COL25A1: variants seen among roughly 807,000 people sequenced by gnomAD.
COL25A1 encodes collagen alpha-1(XXV) chain.
In COL25A1, 103 loss-of-function variants were observed where a neutral mutation model predicts 128.4. That is an observed-to-expected ratio of 0.80 (90% CI 0.68 to 0.94). The LOEUF is 0.94. Among genes scored for constraint, COL25A1 ranks in the 40% least tolerant of loss-of-function variants. The probability of loss-of-function intolerance (pLI) is 0.00; values close to 1 mark genes in which losing one functional copy is unlikely to be tolerated. For missense variants in COL25A1, 745 were observed against 840.0 expected, an observed-to-expected ratio of 0.89 and a Z score of 1.40; for synonymous variants, 279 against 277.2, an observed-to-expected ratio of 1.01 and a Z score of -0.06.
At chr4:109,130,504 T>C (rs1363488772) in intron 3 of COL25A1, among the ~76,000 whole-genome samples, 3 of 152,166 alleles carry the variant, frequency 2.0e-5, no homozygotes, top group Non-Finnish European at 4.4e-5. Context: ...TTCCAGGAGA[T>C]AGAAATCGTT....
chr4:109,281,999 T>C (rs757573960), intron 3 of COL25A1, among the ~76,000 whole-genome samples: 5 of 152,196 alleles, frequency 3.3e-5, no homozygotes, highest in Non-Finnish European at 7.4e-5. Flanking sequence ...GTTAATATAA[T>C]CATAAATTCT....
chr4:108,938,345 A>G (rs1235609716), intron 10 of COL25A1, among the ~76,000 whole-genome samples: 1 of 152,186 alleles, frequency 6.6e-6, no homozygotes, highest in Non-Finnish European at 1.5e-5. Flanking sequence ...GGCTAAAAAT[A>G]TTTTTGTCTT....
intron 6 of COL25A1, among the ~76,000 whole-genome samples, chr4:108,995,239 G>A (rs1284372890): frequency 1.3e-5 from 2 of 152,182 alleles, no homozygotes; most frequent in African/African-American, 4.8e-5. Flanking sequence ...TAGATGAATG[G>A]CTAACTAGAA....
At position 109,047,732 on chromosome 4, in the gene COL25A1, T is replaced by C. The variant is rs952169543; in HGVS notation, c.420+436A>G. On this transcript the variant is annotated intron_variant, in intron 5 of 37. Coordinates refer to ENST00000399132, the MANE Select transcript of COL25A1 (RefSeq NM_198721.4). ...TTTCCAAACTTTAAGTATACTCTTT[T>C]TTTTTTTTTTTTTTTTTTTAGACAG... Among the ~76,000 whole-genome samples, 341 of 40,808 alleles carry C rather than the reference T, an allele frequency of 8.4e-3. 7 individuals carry two copies. The East Asian group carries it at 0.12, about 14-fold the overall frequency. The allele number at this position is 40,808 out of a possible 152,430, so 26.8% of individuals were successfully genotyped here. A position where few individuals can be genotyped will look rare whatever the true frequency, so the allele number is the denominator to read the frequency against.
At chr4:109,282,316 AC>A (rs1723452633) in intron 3 of COL25A1, among the ~76,000 whole-genome samples, 1 of 152,196 alleles carries the variant, frequency 6.6e-6, no homozygotes, top group South Asian at 2.1e-4. Context: ...TCAGGACAAA[AC>A]ATCAAGAGTG....
At chr4:108,837,988 T>C in intron 31 of COL25A1, 1 of 788,212 alleles carries the variant, frequency 1.3e-6, no homozygotes, top group South Asian at 1.5e-5. Flanking sequence ...ATATGTTTTC[T>C]AATTACAGAA....
At chr4:108,982,668 C>T (rs544664115) in intron 6 of COL25A1, among the ~76,000 whole-genome samples, 66 of 152,260 alleles carry the variant, frequency 4.3e-4, no homozygotes, top group African/African-American at 1.5e-3. Context: ...GACTTTACAC[C>T]TTTCAGTGTG....
chr4:108,836,865 G>T (rs1578495055), intron 31 of COL25A1, among the ~76,000 whole-genome samples: 1 of 152,120 alleles, frequency 6.6e-6, no homozygotes, highest in Non-Finnish European at 1.5e-5. Flanking sequence ...GATCACCTGA[G>T]GTCAGGAGTT....
rs761634706 is a variant in COL25A1 at position 108,859,691 on chromosome 4, T to C, written c.1285A>G (p.Ile429Val). 3.1e-6 allele frequency: 5 copies of C among 1,613,920 alleles called. No homozygotes were observed. The highest frequency in any genetic ancestry group is 4.2e-6 in the Non-Finnish European group (5 of 1,179,922). ...TCGTGGAGGTTGCCGTTGTAGTCTA[T>C]GATCTCAGTGGCTCCTTGATCCCCT... is the stretch of plus-strand genomic sequence containing the variant. Reference protein sequence around the residue: ...QKGDQGATEIIDYNGNLHEAL... With the variant: ...QKGDQGATEIVDYNGNLHEAL... The change falls in exon 24 of 38, where the codon ATA (isoleucine) becomes GTA (valine). Residue 429 changes from isoleucine to valine, a missense_variant. By Grantham distance (29) the Ile-to-Val change is conservative. This residue lies in a region of COL25A1 where 387 missense variants were observed against 441.9 expected (regional missense o/e 0.88). Transcript: ENST00000399132.
At chr4:109,222,631 G>C in intron 3 of COL25A1, among the ~76,000 whole-genome samples, 1 of 152,040 alleles carries the variant, frequency 6.6e-6, no homozygotes, top group Admixed American at 6.6e-5. Flanking sequence ...GTAGGATTTA[G>C]AATCCTTACT....
intron 8 of COL25A1, 74 bp from the exon 9 acceptor site, chr4:108,941,511 A>G: frequency 9.5e-7 from 1 of 1,057,622 alleles, no homozygotes; most frequent in Non-Finnish European, 1.5e-6. Flanking sequence ...AGAAGGCCCC[A>G]AGAAAGAAAT....
intron 3 of COL25A1, among the ~76,000 whole-genome samples, chr4:109,192,406 T>C (rs1775692004): frequency 6.6e-6 from 1 of 152,212 alleles, no homozygotes. Flanking sequence ...TGTTATAGGC[T>C]GAGTTGTGCC....
intron 19 of COL25A1, among the ~76,000 whole-genome samples, chr4:108,873,131 A>T (rs968598634): frequency 2.6e-5 from 4 of 152,116 alleles, no homozygotes; most frequent in African/African-American, 9.7e-5. Context: ...GGCCTCAAGC[A>T]ATCCTCCTGC....
chr4:109,110,982 A>G (rs1766946009), intron 3 of COL25A1, among the ~76,000 whole-genome samples: 1 of 152,190 alleles, frequency 6.6e-6, no homozygotes, highest in African/African-American at 2.4e-5. Context: ...TAAAATTCAA[A>G]GCTGACAACA....
intron 30 of COL25A1, 133 bp downstream of exon 30, chr4:108,844,385 AC>A (rs1734829756): frequency 1.4e-6 from 2 of 1,455,204 alleles, no homozygotes; most frequent in African/African-American, 1.4e-5. Context: ...ATCTCAAAGC[AC>A]CTGGTATTTT....
At chr4:108,940,744 T>A in intron 9 of COL25A1, 98 bp from the exon 10 acceptor site, 2 of 758,416 alleles carry the variant, frequency 2.6e-6, no homozygotes, top group Non-Finnish European at 4.2e-6. Flanking sequence ...AATTCACATT[T>A]ACACTATGAA....
At chr4:109,013,692 G>A (rs1756915279) in intron 5 of COL25A1, among the ~76,000 whole-genome samples, 1 of 151,646 alleles carries the variant, frequency 6.6e-6, no homozygotes, top group Non-Finnish European at 1.5e-5. Context: ...CACCTTAAGA[G>A]CTGTTAACAC....
At position 108,954,779 on chromosome 4, in the gene COL25A1, A is replaced by G. The variant is rs1749865919; in HGVS notation, c.493-13342T>C. On this transcript the variant is annotated intron_variant, in intron 8 of 37. Transcript: ENST00000399132. Reference sequence around the variant, plus strand: ...CTTTCAACTTAGTAAATTTTAAATGATATATATGCATTATTTGCTGTTAAA... The same window carrying G: ...CTTTCAACTTAGTAAATTTTAAATGGTATATATGCATTATTTGCTGTTAAA... 2.0e-5 allele frequency among the ~76,000 whole-genome samples: 3 copies of G among 152,030 alleles called. No individual in the cohort carries two copies. The South Asian group carries it at 6.2e-4, about 31-fold the overall frequency.
chr4:108,829,691 C>T (rs1732852953), intron 32 of COL25A1, among the ~76,000 whole-genome samples: 2 of 152,168 alleles, frequency 1.3e-5, no homozygotes, highest in Non-Finnish European at 1.5e-5. Context: ...ATAAAGCTGT[C>T]ACTAAAACAG....
Sources: allele counts gnomAD v4.1 joint callset (sites outside exome capture counted in the v4.1 genomes callset), GRCh38; gene constraint gnomAD v4.1.1; regional missense constraint gnomAD v4.1.1; transcripts MANE v1.5; gene names NCBI Gene and HGNC (gene_info 2026-07-23, HGNC 2026-07-21).